The following FRMD3 variants were observed in gnomAD, a reference collection of about 807,000 sequenced individuals.
FRMD3 encodes the protein FERM domain-containing protein 3.
A neutral mutation model predicts 70.2 loss-of-function variants in FRMD3; 33 were observed. That is an observed-to-expected ratio of 0.47 (90% CI 0.36 to 0.63). The LOEUF is 0.63. FRMD3 is among the 20% of genes least tolerant of loss of function. The pLI is 0.00. For missense variants in FRMD3, 632 were observed against 711.4 expected, an observed-to-expected ratio of 0.89 and a Z score of 1.27; for synonymous variants, 279 against 255.9, an observed-to-expected ratio of 1.09 and a Z score of -0.86.
chr9:83,307,585 A>G (rs1022385771), intron 10 of FRMD3, among the ~76,000 whole-genome samples: 7 of 152,220 alleles, frequency 4.6e-5, no homozygotes, highest in African/African-American at 1.4e-4. Flanking sequence ...CCACTTATAT[A>G]CAACTTATAA....
intron 6 of FRMD3, among the ~76,000 whole-genome samples, chr9:83,331,438 G>T (rs1188767424): frequency 6.6e-6 from 1 of 152,178 alleles, no homozygotes; most frequent in Non-Finnish European, 1.5e-5. Flanking sequence ...GTTGCCAGGG[G>T]TTAGGGGAGA....
At chr9:83,578,812 T>C in the FRMD3 span, among the ~76,000 whole-genome samples, 1 of 151,978 alleles carries the variant, frequency 6.6e-6, no homozygotes, top group Non-Finnish European at 1.5e-5. Context: ...CTGGAAGTCC[T>C]AGCCAGAGCA....
chr9:83,408,815 C>T lies in FRMD3; in HGVS notation c.148-19107G>A, dbSNP rs142678406. Among the ~76,000 whole-genome samples, 4 of 152,258 alleles carry T rather than the reference C, an allele frequency of 2.6e-5. No homozygotes were observed. The East Asian group carries it at 5.8e-4, about 22-fold the overall frequency. On this transcript the variant is annotated intron_variant, in intron 1 of 13. Transcript: ENST00000304195. ...ACCACAGGCACCCTCGGACACAATC[C>T]ATGCAGAAACACGTGAACTGGAAGA...
chr9:83,446,646 C>CA (rs780150860), intron 1 of FRMD3, among the ~76,000 whole-genome samples: 14,748 of 82,812 alleles, frequency 0.18, 1,424 homozygotes, highest in African/African-American at 0.27. Context: ...GACTCGGTCT[C>CA]AAAAAAAAAA....
intron 6 of FRMD3, among the ~76,000 whole-genome samples, chr9:83,334,118 T>C (rs1823491988): frequency 6.6e-6 from 1 of 152,152 alleles, no homozygotes; most frequent in African/African-American, 2.4e-5. Flanking sequence ...ATTCTCACCC[T>C]GTGCTCCCCG....
At chr9:83,449,447 G>A (rs1827577627) in intron 1 of FRMD3, among the ~76,000 whole-genome samples, 1 of 152,118 alleles carries the variant, frequency 6.6e-6, no homozygotes, top group Non-Finnish European at 1.5e-5. Flanking sequence ...AGGTCATGGG[G>A]TTTATTGTAT....
chr9:83,457,299 C>T (rs1195948860), intron 1 of FRMD3, among the ~76,000 whole-genome samples: 3 of 152,150 alleles, frequency 2.0e-5, no homozygotes, highest in Admixed American at 6.5e-5. Context: ...AGATGAGTGG[C>T]TGATTTAGGC....
At chr9:83,398,231 GTAA>G (rs1222774260) in intron 1 of FRMD3, among the ~76,000 whole-genome samples, 1 of 152,144 alleles carries the variant, frequency 6.6e-6, no homozygotes, top group East Asian at 1.9e-4. Flanking sequence ...TAAACAGCAA[GTAA>G]TATATTGCTT....
chr9:83,269,561 T>A lies in FRMD3; in HGVS notation c.1195+21042A>T, dbSNP rs191018420. On this transcript the variant is annotated intron_variant, in intron 13 of 13. Transcript: ENST00000304195. ...ATCTCTATTAAAAATACAAAAAAATTAGCCAGGCGTGGTGGCGGGCACCTG... is the reference window on the plus strand; with the variant it reads ...ATCTCTATTAAAAATACAAAAAAATAAGCCAGGCGTGGTGGCGGGCACCTG... 6.9e-3 allele frequency among the ~76,000 whole-genome samples: 1,043 copies of A among 151,988 alleles called. 14 individuals are homozygous for A. Among genetic ancestry groups the A allele is most frequent in the African/African-American group, 0.023 (972 of 41,442 alleles).
chr9:83,513,044 C>T (rs1033000895), intron 1 of FRMD3, among the ~76,000 whole-genome samples: 4 of 152,200 alleles, frequency 2.6e-5, no homozygotes, highest in African/African-American at 9.7e-5. Context: ...CAAATACAAG[C>T]CCACCAGAGA....
chr9:83,390,911 T>C (rs1034204287), intron 1 of FRMD3, among the ~76,000 whole-genome samples: 4 of 152,204 alleles, frequency 2.6e-5, no homozygotes, highest in African/African-American at 9.6e-5. Flanking sequence ...ACCACTACCA[T>C]TAACTCAGGA....
chr9:83,453,699 CTGTT>C (rs1392367801), intron 1 of FRMD3, among the ~76,000 whole-genome samples: 3 of 148,100 alleles, frequency 2.0e-5, no homozygotes, highest in African/African-American at 7.5e-5. Flanking sequence ...CACCTGTTTC[CTGTT>C]TGTTTTAATT....
chr9:83,266,999 G>A (rs1833290969), intron 13 of FRMD3: 1 of 1,550,168 alleles, frequency 6.5e-7, no homozygotes, highest in Non-Finnish European at 8.7e-7. Context: ...ACAGCCCAGG[G>A]CACCACACAT....
Position 83,538,017 on chromosome 9 carries a change from C to A in FRMD3, c.147+68G>T. On this transcript the variant is annotated intron_variant, in intron 1 of 13. Coordinates refer to ENST00000304195, the MANE Select transcript of FRMD3 (RefSeq NM_174938.6). This position sits in a 1 kb window ranked among gnomAD's most constrained non-coding sequence, Gnocchi z 4.7. ...GGAGTGGGTTCCTTGTTCTCGCATG[C>A]CCACCGCAAAGGCCCCCCGCCCTGC... 1.9e-6 allele frequency: 3 copies of A among 1,558,566 alleles called. No homozygotes were observed. Among genetic ancestry groups the A allele is most frequent in the Non-Finnish European group, 2.6e-6 (3 of 1,142,564 alleles).
chr9:83,488,823 T>G (rs182446550), intron 1 of FRMD3, among the ~76,000 whole-genome samples: 1 of 152,238 alleles, frequency 6.6e-6, no homozygotes, highest in East Asian at 1.9e-4. Context: ...ATAAATGACT[T>G]TAGACATTGT....
At chr9:83,433,089 A>G (rs966639433) in intron 1 of FRMD3, among the ~76,000 whole-genome samples, 1 of 152,208 alleles carries the variant, frequency 6.6e-6, no homozygotes, top group Non-Finnish European at 1.5e-5. Context: ...GTGGCTGAGT[A>G]GTATTCCTTG....
chr9:83,319,539 A>T (rs1835714505), intron 6 of FRMD3, among the ~76,000 whole-genome samples: 1 of 152,192 alleles, frequency 6.6e-6, no homozygotes. Flanking sequence ...CTCCTGCCTC[A>T]GCCTCCTGAG....
chr9:83,560,217 T>A, the FRMD3 span, among the ~76,000 whole-genome samples: 59 of 152,230 alleles, frequency 3.9e-4, no homozygotes, highest in Non-Finnish European at 7.9e-4. Flanking sequence ...AGGCAGCGTA[T>A]CTTCCCTGCC....
At chr9:83,515,936 C>T (rs1441013131) in intron 1 of FRMD3, among the ~76,000 whole-genome samples, 1 of 152,024 alleles carries the variant, frequency 6.6e-6, no homozygotes, top group Non-Finnish European at 1.5e-5. Context: ...TTTTGTCACC[C>T]CCAGGCCTGC....
Sources: gnomAD v4.1 joint callset for allele counts (sites outside exome capture counted in the v4.1 genomes callset) on GRCh38, gnomAD v4.1.1 for gene constraint, Gnocchi (gnomAD v3.1) non-coding constraint, MANE v1.5 for transcripts, NCBI Gene and HGNC (gene_info 2026-07-23, HGNC 2026-07-21) for gene names.